The following RNF220 variants were observed in gnomAD, a reference collection of about 807,000 sequenced individuals.
RNF220 encodes the protein E3 ubiquitin-protein ligase RNF220.
RNF220 carries 7 observed loss-of-function variants against 67.1 expected under a neutral mutation model. The observed-to-expected ratio is 0.10, with a 90% CI of 0.06 to 0.20. The LOEUF is 0.20. Ranked by LOEUF, RNF220 falls within the 10% of genes least tolerant of loss-of-function variation. The probability of loss-of-function intolerance (pLI) is 1.00; values close to 1 mark genes in which losing one functional copy is unlikely to be tolerated. For synonymous variants in RNF220, 270 were observed against 283.2 expected (o/e 0.95, Z 0.47); for missense variants, 565 against 740.3 (o/e 0.76, Z 2.75).
chr1:44,514,097 C>T (rs941496623), intron 2 of RNF220, among the ~76,000 whole-genome samples: 1 of 152,104 alleles, frequency 6.6e-6, no homozygotes, highest in African/African-American at 2.4e-5. Context: ...TAAATATAAC[C>T]AAGTAATAGA....
At chr1:44,477,844 T>C (rs761600013) in intron 2 of RNF220, among the ~76,000 whole-genome samples, 1 of 152,162 alleles carries the variant, frequency 6.6e-6, no homozygotes, top group African/African-American at 2.4e-5. Flanking sequence ...CAGGTAAACT[T>C]CTCCATGGAG....
Position 44,412,293 on chromosome 1 carries a change from T to A in RNF220, c.196T>A (p.Ser66Thr). The A allele has an allele frequency of 6.2e-7, 1 of 1,614,212 alleles. No homozygotes were observed. Among genetic ancestry groups the A allele is most frequent in the Middle Eastern group, 1.6e-4 (1 of 6,062 alleles). ...KDVHIPFTNG[S>T]YTFASMYHRQ... ...CGTGCATATTCCTTTCACCAACGGT[T>A]CCTATACCTTTGCCTCTATGTACCA... Residue 66 changes from serine (S) to threonine (T), a missense_variant, in exon 2 of 15, where the codon TCC (serine) becomes ACC (threonine). By Grantham distance (58) the Ser-to-Thr change is moderately conservative (BLOSUM62 1). Transcript: ENST00000361799. This position sits in a 1 kb window ranked among gnomAD's most constrained non-coding sequence, Gnocchi z 5.3.
chr1:44,514,174 C>T (rs1659267200), intron 2 of RNF220, among the ~76,000 whole-genome samples: 1 of 152,140 alleles, frequency 6.6e-6, no homozygotes, highest in Non-Finnish European at 1.5e-5. Context: ...AGTGCAGGAC[C>T]CTGTTTCTCT....
chr1:44,635,898 T>G, intron 7 of RNF220, 132 bp from the exon 8 acceptor site: 1 of 1,486,074 alleles, frequency 6.7e-7, no homozygotes, highest in Non-Finnish European at 9.1e-7. Flanking sequence ...TTGGTTTGCT[T>G]CAAAGGAGCC....
intron 8 of RNF220, chr1:44,643,016 C>T (rs1415178779): frequency 6.6e-6 from 1 of 152,354 alleles, no homozygotes; most frequent in African/African-American, 2.4e-5. Context: ...TGGCCGTGTA[C>T]AGGAGACAGA....
chr1:44,592,899 A>G (rs1666217836), intron 2 of RNF220, among the ~76,000 whole-genome samples: 1 of 152,126 alleles, frequency 6.6e-6, no homozygotes, highest in South Asian at 2.1e-4. Context: ...TTCTGCCTAC[A>G]ATGGAGCCAC....
rs761947820 is a variant in RNF220 at position 44,586,694 on chromosome 1, A to C, written c.626-27471A>C. ...TGGCCCTTTTAGGAGACAGTTACAC[A>C]CAACGTAGAAGACAGAGGAGAAAGG... is the stretch of plus-strand genomic sequence containing the variant. On this transcript the variant is annotated intron_variant, in intron 2 of 14. Coordinates refer to ENST00000361799, the MANE Select transcript of RNF220 (RefSeq NM_018150.4). Among the ~76,000 whole-genome samples the C allele has an allele frequency of 1.3e-5, 2 of 152,234 alleles. 1 individual carries two copies. The highest frequency in any genetic ancestry group is 4.8e-5 in the African/African-American group (2 of 41,456).
At chr1:44,467,549 G>A (rs1217803252) in intron 2 of RNF220, among the ~76,000 whole-genome samples, 1 of 152,116 alleles carries the variant, frequency 6.6e-6, no homozygotes, top group African/African-American at 2.4e-5. Context: ...CACATCTCTC[G>A]GCCTTCATAG....
At chr1:44,628,808 A>C (rs1333911899) in intron 5 of RNF220, among the ~76,000 whole-genome samples, 2 of 152,112 alleles carry the variant, frequency 1.3e-5, no homozygotes, top group Non-Finnish European at 2.9e-5. Context: ...ATCCTTCCAA[A>C]TCCTGCCCAA....
intron 2 of RNF220, among the ~76,000 whole-genome samples, chr1:44,511,673 T>C (rs968063337): frequency 1.3e-5 from 2 of 152,254 alleles, no homozygotes; most frequent in African/African-American, 4.8e-5. Context: ...TTAAGGCTAG[T>C]GTTCTGGGAA....
At chr1:44,545,541 C>G (rs1196433760) in intron 2 of RNF220, 1 of 154,160 alleles carries the variant, frequency 6.5e-6, no homozygotes, top group South Asian at 2.0e-4. Flanking sequence ...TAGTTCTTCC[C>G]TTTGCCCAAT....
chr1:44,635,168 G>A (rs1327672595), intron 6 of RNF220: 2 of 190,992 alleles, frequency 1.0e-5, no homozygotes, highest in African/African-American at 4.6e-5. Flanking sequence ...ATGCTCTTTA[G>A]AGTTGTATTT....
At position 44,614,250 on chromosome 1, in the gene RNF220, G is replaced by T. The variant is rs1299303620; in HGVS notation, c.711G>T (p.Gln237His). The T allele has an allele frequency of 6.2e-7, 1 of 1,614,176 alleles. No individual in the cohort carries two copies. The highest frequency in any genetic ancestry group is 2.2e-5 in the East Asian group (1 of 44,878). ...CQVLLRPSELQEHMEQELEQL... is the reference protein window; with the variant it reads ...CQVLLRPSELHEHMEQELEQL... ...TCCTGCTGAGGCCCAGTGAGCTGCA[G>T]GAGCATATGGAGCAGGAACTGGAGC... The change falls in exon 3 of 15, where the codon CAG (glutamine) becomes CAT (histidine). Residue 237 changes from glutamine (Q) to histidine (H), a missense_variant. Gln to His is a conservative substitution (Grantham distance 24). Coordinates refer to ENST00000361799, the MANE Select transcript of RNF220 (RefSeq NM_018150.4).
At chr1:44,585,991 C>G (rs1665667208) in intron 2 of RNF220, among the ~76,000 whole-genome samples, 1 of 152,314 alleles carries the variant, frequency 6.6e-6, no homozygotes, top group African/African-American at 2.4e-5. Context: ...GGCTGCCTCC[C>G]TGTTCTTCCT....
chr1:44,530,885 C>T (rs1202970108), intron 2 of RNF220, among the ~76,000 whole-genome samples: 1 of 152,160 alleles, frequency 6.6e-6, no homozygotes, highest in African/African-American at 2.4e-5. Context: ...ATCATTTGAA[C>T]CCAGGAGGCA....
intron 2 of RNF220, among the ~76,000 whole-genome samples, chr1:44,462,657 T>C (rs1653892055): frequency 6.6e-6 from 1 of 152,230 alleles, no homozygotes; most frequent in South Asian, 2.1e-4. Context: ...AGACAGGATT[T>C]TCTATTTTCT....
chr1:44,495,848 T>C (rs961046660), intron 2 of RNF220, among the ~76,000 whole-genome samples: 4 of 152,196 alleles, frequency 2.6e-5, no homozygotes, highest in African/African-American at 9.7e-5. Flanking sequence ...TCTGTTTTGC[T>C]CCCTGCTGTA....
At chr1:44,633,315 A>G (rs578114598) in intron 6 of RNF220, among the ~76,000 whole-genome samples, 5 of 152,346 alleles carry the variant, frequency 3.3e-5, no homozygotes, top group Non-Finnish European at 7.3e-5. Flanking sequence ...TTAAAAGTAC[A>G]CAGCTGGGAT....
At chr1:44,511,918 T>TGC (rs1553234677) in intron 2 of RNF220, among the ~76,000 whole-genome samples, 6 of 139,726 alleles carry the variant, frequency 4.3e-5, no homozygotes, top group African/African-American at 8.4e-5. Context: ...TGTGTGTGCG[T>TGC]GTGTGTGTGT....
Sources: gnomAD v4.1 joint callset for allele counts (sites outside exome capture counted in the v4.1 genomes callset) on GRCh38, gnomAD v4.1.1 for gene constraint, Gnocchi (gnomAD v3.1) non-coding constraint, MANE v1.5 for transcripts, NCBI Gene and HGNC (gene_info 2026-07-23, HGNC 2026-07-21) for gene names.